TENM4: variants seen among roughly 807,000 people sequenced by gnomAD.
TENM4 encodes teneurin-4.
A neutral mutation model predicts 243.3 loss-of-function variants in TENM4; 82 were observed. The ratio of observed to expected loss-of-function variants is 0.34; its 90% CI spans 0.28 to 0.40. The LOEUF is 0.40. TENM4 is among the 10% of genes least tolerant of loss of function. The pLI is 1.00. For synonymous variants in TENM4, 1,412 were observed against 1,456.3 expected (o/e 0.97, Z 0.69); for missense variants, 3,138 against 3,673.3 (o/e 0.85, Z 3.77).
intron 6 of TENM4, among the ~76,000 whole-genome samples, chr11:78,928,193 C>T (rs1461797860): frequency 6.6e-6 from 1 of 152,190 alleles, no homozygotes. Flanking sequence ...CCCTGGGGGT[C>T]CCCGCTCTGA....
intron 1 of TENM4, among the ~76,000 whole-genome samples, chr11:79,299,337 A>G (rs943648080): frequency 6.6e-6 from 1 of 152,178 alleles, no homozygotes; most frequent in South Asian, 2.1e-4. Context: ...TAGTAACTGA[A>G]GGAGCCGGGA....
chr11:79,207,070 A>G (rs767293193), intron 3 of TENM4, among the ~76,000 whole-genome samples: 16 of 152,162 alleles, frequency 1.1e-4, no homozygotes, highest in Non-Finnish European at 2.2e-4. Flanking sequence ...TATGCTGGGA[A>G]GGCCACAGAG....
At chr11:79,414,960 G>A (rs1381543145) in intron 1 of TENM4, among the ~76,000 whole-genome samples, 1 of 152,172 alleles carries the variant, frequency 6.6e-6, no homozygotes, top group Non-Finnish European at 1.5e-5. Context: ...TGTGGAAAGC[G>A]GCCTGGCTTA....
intron 6 of TENM4, among the ~76,000 whole-genome samples, chr11:78,989,840 G>A (rs1215320527): frequency 1.3e-5 from 2 of 152,038 alleles, no homozygotes; most frequent in Admixed American, 1.3e-4. Context: ...GATCACTTGA[G>A]CCCAGGAGTT....
chr11:79,283,213 A>AACACACACACAC (rs33993080), intron 2 of TENM4, among the ~76,000 whole-genome samples: 3 of 135,932 alleles, frequency 2.2e-5, no homozygotes, highest in African/African-American at 5.4e-5. Context: ...CACACACACA[A>AACACACACACAC]ACACACACAC....
intron 6 of TENM4, chr11:79,064,486 G>A (rs1021490758): frequency 4.0e-6 from 2 of 505,048 alleles, no homozygotes; most frequent in East Asian, 3.8e-5. Flanking sequence ...GGCACCTTAT[G>A]AGCAATGACC....
intron 5 of TENM4, 110 bp from the exon 6 acceptor site, chr11:79,065,117 T>C (rs1860211263): frequency 2.2e-5 from 31 of 1,396,618 alleles, no homozygotes; most frequent in Non-Finnish European, 2.8e-5. Context: ...TTCTTTGAAC[T>C]TGCTGTGGCA....
intron 12 of TENM4, among the ~76,000 whole-genome samples, chr11:78,832,665 G>A (rs1212746599): frequency 6.6e-6 from 1 of 152,196 alleles, no homozygotes. Context: ...CTTTGCATGT[G>A]TTAACTCATG....
At chr11:79,195,081 G>A (rs1478735530) in intron 3 of TENM4, among the ~76,000 whole-genome samples, 3 of 152,240 alleles carry the variant, frequency 2.0e-5, no homozygotes, top group African/African-American at 7.2e-5. Flanking sequence ...GAAGCCCCAA[G>A]CCTTGGCAGC....
At chr11:78,820,466 T>A (rs1355225300) in intron 12 of TENM4, among the ~76,000 whole-genome samples, 1 of 152,214 alleles carries the variant, frequency 6.6e-6, no homozygotes, top group African/African-American at 2.4e-5. Flanking sequence ...ACTTTCCTCA[T>A]TTGTGAAATG....
At chr11:79,152,402 T>C (rs1208679423) in intron 3 of TENM4, among the ~76,000 whole-genome samples, 1 of 152,094 alleles carries the variant, frequency 6.6e-6, no homozygotes, top group Non-Finnish European at 1.5e-5. Flanking sequence ...CCAAGAAAGG[T>C]TGTGCAGATG....
chr11:79,149,813 C>T (rs1046468453), intron 3 of TENM4, among the ~76,000 whole-genome samples: 4 of 152,138 alleles, frequency 2.6e-5, no homozygotes, highest in Non-Finnish European at 5.9e-5. Context: ...GAGCAATACA[C>T]ATTAGTTCCC....
chr11:79,042,581 A>T (rs1859563711), intron 6 of TENM4, among the ~76,000 whole-genome samples: 1 of 152,152 alleles, frequency 6.6e-6, no homozygotes, highest in Non-Finnish European at 1.5e-5. Flanking sequence ...TTGATCTTGG[A>T]CTTCCCAGCC....
chr11:78,715,131 T>A (rs115602238), intron 25 of TENM4, among the ~76,000 whole-genome samples: 1 of 152,224 alleles, frequency 6.6e-6, no homozygotes. Flanking sequence ...CTTCTGGGGT[T>A]AGCAGTAAAC....
chr11:78,815,395 A>G (rs1857586017), intron 12 of TENM4, among the ~76,000 whole-genome samples: 2 of 152,124 alleles, frequency 1.3e-5, no homozygotes, highest in African/African-American at 2.4e-5. Context: ...CAAAAAAAAA[A>G]AAAGTTTTCT....
rs185702553 is a variant in TENM4 at position 78,918,358 on chromosome 11, C to T, written c.494-14835G>A. On this transcript the variant is annotated intron_variant, in intron 6 of 33. Coordinates refer to ENST00000278550, the MANE Select transcript of TENM4 (RefSeq NM_001098816.3). ...TATTTCAATACAAAAGGTGTACATT[C>T]TGTGGGTGCCACCTGGGCTTATTCC... Among the ~76,000 whole-genome samples the T allele has an allele frequency of 4.0e-3, 607 of 151,992 alleles. 16 individuals carry two copies. The highest frequency in any genetic ancestry group is 4.8e-3 in the East Asian group (25 of 5,178).
At chr11:79,123,433 G>T (rs1456379120) in intron 4 of TENM4, among the ~76,000 whole-genome samples, 2 of 152,112 alleles carry the variant, frequency 1.3e-5, no homozygotes, top group African/African-American at 4.8e-5. Flanking sequence ...TGCTTTGGCT[G>T]CCCCTTGTTG....
At chr11:79,176,133 A>T (rs1375848532) in intron 3 of TENM4, among the ~76,000 whole-genome samples, 1 of 152,162 alleles carries the variant, frequency 6.6e-6, no homozygotes, top group East Asian at 1.9e-4. Flanking sequence ...AGTTTTAGAG[A>T]TGTGCTACTC....
At chr11:79,111,414 G>A (rs766489368) in intron 4 of TENM4, among the ~76,000 whole-genome samples, 28 of 152,054 alleles carry the variant, frequency 1.8e-4, no homozygotes, top group Admixed American at 9.8e-4. Flanking sequence ...GCATGATGGC[G>A]GGCACCTGTA....
Sources: gnomAD v4.1 joint callset for allele counts (sites outside exome capture counted in the v4.1 genomes callset) on GRCh38, gnomAD v4.1.1 for gene constraint, MANE v1.5 for transcripts, NCBI Gene and HGNC (gene_info 2026-07-23, HGNC 2026-07-21) for gene names.